The following MLIP variants were observed in gnomAD, a reference collection of about 807,000 sequenced individuals.
The protein encoded by MLIP is muscular LMNA interacting protein.
Under a neutral mutation model 84.8 loss-of-function variants are expected in MLIP, and 79 were observed. The ratio of observed to expected loss-of-function variants is 0.93; its 90% CI spans 0.78 to 1.12. The LOEUF (loss-of-function observed/expected upper bound fraction) is 1.12, where lower values mean the gene tolerates loss of function less well. Ranked by LOEUF, MLIP falls within the 50% of genes most tolerant of loss-of-function variation. The pLI, the probability that MLIP is intolerant of heterozygous loss-of-function variation, is 0.00. For missense variants in MLIP, 1,257 were observed against 1,160.6 expected (o/e 1.08, Z -1.21); for synonymous variants, 504 against 463.0 (o/e 1.09, Z -1.14).
In MLIP at chr6:54,121,583, G is replaced by T. The variant is rs1460803432; in HGVS notation, c.233G>T (p.Ser78Ile). 8 of 1,608,004 alleles carry T rather than the reference G, an allele frequency of 5.0e-6. No individual in the cohort carries two copies. Among genetic ancestry groups the T allele is most frequent in the Non-Finnish European group, 6.8e-6 (8 of 1,177,672 alleles). Residue 78 changes from serine (S) to isoleucine (I), a missense_variant, in exon 2 of 14, where the codon AGT (serine) becomes ATT (isoleucine). Ser to Ile is a moderately radical substitution (Grantham distance 142). Transcript: ENST00000502396. ...ATTCCAGAAGAATCAAGTGATAAGA[G>T]TCCAGAAACTGTAAATAGGGTAGGA... Reference protein sequence around the residue: ...VKIPEESSDKSPETVNRSKSN... With the variant: ...VKIPEESSDKIPETVNRSKSN...
At chr6:54,254,855 C>T (rs1280698895) in intron 12 of MLIP, among the ~76,000 whole-genome samples, 3 of 144,794 alleles carry the variant, frequency 2.1e-5, no homozygotes, top group Non-Finnish European at 3.0e-5. Flanking sequence ...CCACATATTT[C>T]GATATTTTGC....
intron 1 of MLIP, among the ~76,000 whole-genome samples, chr6:54,075,162 G>T (rs1766722306): frequency 6.7e-6 from 1 of 148,160 alleles, no homozygotes. Flanking sequence ...CAGGAGAATC[G>T]CTTGAACCGG....
chr6:54,235,369 G>A (rs1781292859), intron 12 of MLIP, among the ~76,000 whole-genome samples: 1 of 152,098 alleles, frequency 6.6e-6, no homozygotes, highest in Non-Finnish European at 1.5e-5. Context: ...TGTACTTTAA[G>A]TCCAAGTTAA....
intron 1 of MLIP, among the ~76,000 whole-genome samples, chr6:54,076,770 C>T (rs1447602550): frequency 1.3e-5 from 2 of 152,086 alleles, no homozygotes; most frequent in African/African-American, 4.8e-5. Context: ...AGTGAACATA[C>T]ATCAGCGGAT....
intron 9 of MLIP, among the ~76,000 whole-genome samples, chr6:54,187,612 G>A (rs938491331): frequency 6.6e-6 from 1 of 152,128 alleles, no homozygotes; most frequent in African/African-American, 2.4e-5. Flanking sequence ...TAACTATCAG[G>A]CTTATATGCA....
At chr6:54,227,625 G>A (rs544359038) in intron 11 of MLIP, among the ~76,000 whole-genome samples, 12 of 152,040 alleles carry the variant, frequency 7.9e-5, no homozygotes, top group Non-Finnish European at 1.6e-4. Flanking sequence ...ACAAATCATC[G>A]GAAATCAAAA....
In MLIP at chr6:54,230,817, C is replaced by T. The variant is rs780414290; in HGVS notation, c.2822C>T (p.Ala941Val). Residue 941 changes from alanine (A) to valine (V), a missense_variant, in exon 12 of 14, where the codon GCT becomes GTT. Transcript: ENST00000502396. ...CTGCATCCACAGACCCTCTCACATGCTGACTGTCTTGCCCCAGGACCCTTC... is the reference window on the plus strand; with the variant it reads ...CTGCATCCACAGACCCTCTCACATGTTGACTGTCTTGCCCCAGGACCCTTC... The part of the protein sequence containing the change: ...SLLHPQTLSH[A>V]DCLAPGPFSH... The T allele has an allele frequency of 6.2e-7, 1 of 1,614,048 alleles. No individual in the cohort carries two copies. The highest frequency in any genetic ancestry group is 1.1e-5 in the South Asian group (1 of 91,068).
chr6:54,164,877 G>T (rs1775021382), intron 8 of MLIP, among the ~76,000 whole-genome samples: 1 of 151,810 alleles, frequency 6.6e-6, no homozygotes, highest in South Asian at 2.1e-4. Flanking sequence ...AGATGGCTGG[G>T]TTATTTCTAA....
At position 54,182,144 on chromosome 6, in the gene MLIP, C is replaced by A. The variant is rs527869164; in HGVS notation, c.2545-7726C>A. Among the ~76,000 whole-genome samples, 184 of 152,286 alleles carry A rather than the reference C, an allele frequency of 1.2e-3. 1 individual carries two copies. Among genetic ancestry groups the A allele is most frequent in the Non-Finnish European group, 1.9e-3 (130 of 68,020 alleles). On this transcript the variant is annotated intron_variant, in intron 9 of 13. Coordinates refer to ENST00000502396, the MANE Select transcript of MLIP (RefSeq NM_001281747.2). ...TCCGTTTGCCTAGAATCCCAGAGCA[C>A]TTTTGCCTATGGTGGTGAGCCTTTC... is the stretch of plus-strand genomic sequence containing the variant.
chr6:54,220,738 G>A (rs73741475), intron 11 of MLIP, among the ~76,000 whole-genome samples: 4,700 of 151,610 alleles, frequency 0.031, 216 homozygotes, highest in African/African-American at 0.11. Flanking sequence ...GTGACATTTT[G>A]GATTCTTAAG....
intron 9 of MLIP, among the ~76,000 whole-genome samples, chr6:54,177,249 T>G (rs906125464): frequency 2.0e-5 from 3 of 151,726 alleles, no homozygotes; most frequent in Non-Finnish European, 4.4e-5. Context: ...ATCATCAGAG[T>G]GAACAGACAA....
chr6:54,257,225 T>C, intron 12 of MLIP, 83 bp from the exon 13 acceptor site: 1 of 935,218 alleles, frequency 1.1e-6, no homozygotes. Context: ...TATGTCATTG[T>C]CAATCTGTTT....
intron 12 of MLIP, among the ~76,000 whole-genome samples, chr6:54,236,348 C>A (rs558613363): frequency 1.5e-3 from 227 of 152,320 alleles, no homozygotes; most frequent in Non-Finnish European, 2.5e-3. Flanking sequence ...CGCCTGTAAT[C>A]CCAGCACTTT....
At chr6:54,093,368 C>CTATTCTATTG (rs1297025283) in intron 1 of MLIP, among the ~76,000 whole-genome samples, 1 of 151,154 alleles carries the variant, frequency 6.6e-6, no homozygotes, top group East Asian at 2.0e-4. Flanking sequence ...CTATTCTATT[C>CTATTCTATTG]TATTCTATTC....
chr6:54,139,323 A>G (rs1219295461), intron 4 of MLIP, among the ~76,000 whole-genome samples: 4 of 152,236 alleles, frequency 2.6e-5, no homozygotes, highest in African/African-American at 9.6e-5. Context: ...TCATCAACTG[A>G]GTTCAATATA....
intron 1 of MLIP, among the ~76,000 whole-genome samples, chr6:54,053,793 T>G (rs954091546): frequency 1.1e-4 from 16 of 152,222 alleles, no homozygotes; most frequent in Admixed American, 4.6e-4. Context: ...GATTTTTAAG[T>G]GTCTATTTGA....
intron 2 of MLIP, among the ~76,000 whole-genome samples, chr6:54,122,688 A>C (rs1278918878): frequency 2.0e-5 from 3 of 152,168 alleles, no homozygotes; most frequent in Non-Finnish European, 4.4e-5. Flanking sequence ...ACTTCTAGAT[A>C]GTTTCTTTCC....
intron 1 of MLIP, chr6:54,059,031 A>C (rs1015457703): frequency 1.9e-4 from 29 of 152,228 alleles, no homozygotes; most frequent in African/African-American, 6.3e-4. Context: ...TCTATAAGGC[A>C]GATATGCTGT....
rs79607622 is a variant in MLIP, at chr6:54,208,794, T to C, written c.2718+6561T>C. 1.3e-3 allele frequency among the ~76,000 whole-genome samples: 191 copies of C among 152,300 alleles called. 1 individual carries two copies. Among genetic ancestry groups the C allele is most frequent in the African/African-American group, 4.6e-3 (190 of 41,562 alleles). On this transcript the variant is annotated intron_variant, in intron 11 of 13. Transcript: ENST00000502396. ...TGCCAGTTTATGTACCAAATTGTCT[T>C]ATAATACGTAAGATATTTTTGATGA...
Sources: gnomAD v4.1 joint callset for allele counts (sites outside exome capture counted in the v4.1 genomes callset) on GRCh38, gnomAD v4.1.1 for gene constraint, MANE v1.5 for transcripts, NCBI Gene and HGNC (gene_info 2026-07-23, HGNC 2026-07-21) for gene names.